The following PATJ variants were observed in gnomAD, a reference collection of about 807,000 sequenced individuals.
PATJ encodes the protein inaD-like protein.
In PATJ, 190 loss-of-function variants were observed where a neutral mutation model predicts 224.9. The ratio of observed to expected loss-of-function variants is 0.84; its 90% CI spans 0.75 to 0.95. The LOEUF is 0.95. Ranked by LOEUF, PATJ falls within the 40% of genes least tolerant of loss-of-function variation. The probability of loss-of-function intolerance (pLI) is 0.00; values close to 1 mark genes in which losing one functional copy is unlikely to be tolerated. For synonymous variants in PATJ, 769 were observed against 820.3 expected (o/e 0.94, Z 1.07); for missense variants, 2,121 against 2,270.3 (o/e 0.93, Z 1.34).
chr1:62,028,050 T>C (rs1396463917), intron 29 of PATJ, among the ~76,000 whole-genome samples: 1 of 152,204 alleles, frequency 6.6e-6, no homozygotes, highest in Non-Finnish European at 1.5e-5. Flanking sequence ...TTCAAGAAAT[T>C]ATTGTCAAAT....
At chr1:61,751,292 C>T (rs186562938) in intron 1 of PATJ, among the ~76,000 whole-genome samples, 9 of 152,240 alleles carry the variant, frequency 5.9e-5, no homozygotes, top group East Asian at 1.9e-4. Context: ...TGAGCCACCA[C>T]GCCTGATTCC....
At chr1:61,824,180 G>A (rs926023293) in intron 15 of PATJ, among the ~76,000 whole-genome samples, 3 of 151,924 alleles carry the variant, frequency 2.0e-5, no homozygotes, top group African/African-American at 7.3e-5. Context: ...ATTGAGAAAT[G>A]AGATATATTT....
chr1:61,850,973 C>T (rs895662299), intron 17 of PATJ, among the ~76,000 whole-genome samples: 15 of 152,260 alleles, frequency 9.9e-5, no homozygotes, highest in Non-Finnish European at 1.8e-4. Context: ...AGTGGGAAGA[C>T]GCAAACTAAA....
At chr1:62,095,825 A>G (rs962745868) in intron 33 of PATJ, among the ~76,000 whole-genome samples, 11 of 152,228 alleles carry the variant, frequency 7.2e-5, no homozygotes, top group African/African-American at 2.7e-4. Context: ...ATACAGAGGC[A>G]GGTTTTTCCA....
intron 29 of PATJ, among the ~76,000 whole-genome samples, chr1:62,029,807 T>C (rs1284953109): frequency 6.6e-6 from 1 of 152,204 alleles, no homozygotes; most frequent in Non-Finnish European, 1.5e-5. Context: ...AGCAAATTCA[T>C]GATTTACTGA....
rs1645218873 is a variant in PATJ at position 61,994,100 on chromosome 1, A to G, written c.3867+3736A>G. 2.6e-5 allele frequency among the ~76,000 whole-genome samples: 4 copies of G among 152,346 alleles called. No homozygotes were observed. The South Asian group carries it at 6.2e-4, about 24-fold the overall frequency. On this transcript the variant is annotated intron_variant, in intron 28 of 43. Transcript: ENST00000642238. Reference sequence around the variant, plus strand: ...ATGTTGGAATATAGATTCTGGCATCATGTATTTTTGGCTAATTATTTATCT... The same window carrying G: ...ATGTTGGAATATAGATTCTGGCATCGTGTATTTTTGGCTAATTATTTATCT...
chr1:61,789,140 C>A (rs1201999006), intron 8 of PATJ, among the ~76,000 whole-genome samples: 1 of 151,070 alleles, frequency 6.6e-6, no homozygotes, highest in Admixed American at 6.6e-5. Flanking sequence ...AAAACCCAAT[C>A]TCTACTAAAA....
rs1646253885 is a variant in PATJ, at chr1:61,766,081, A to G, written c.190-198A>G. The stretch of plus-strand genomic sequence containing the variant: ...AGGAAATAAGAACAAATTTTAAGCT[A>G]TTAAACATTTTGTGTAATACTAAAT... On this transcript the variant is annotated intron_variant, in intron 3 of 43. Coordinates refer to ENST00000642238, the MANE Select transcript of PATJ (RefSeq NM_001350145.3). Among the ~76,000 whole-genome samples, 3 of 152,216 alleles carry G rather than the reference A, an allele frequency of 2.0e-5. No individual in the cohort carries two copies. The South Asian group carries it at 6.2e-4, about 32-fold the overall frequency.
At chr1:61,842,858 G>A (rs563145009) in intron 17 of PATJ, among the ~76,000 whole-genome samples, 2 of 152,174 alleles carry the variant, frequency 1.3e-5, no homozygotes, top group Non-Finnish European at 2.9e-5. Context: ...CAATGGATGT[G>A]TTCTGGAGTT....
At chr1:61,837,573 G>C (rs1660373353) in intron 17 of PATJ, among the ~76,000 whole-genome samples, 1 of 152,082 alleles carries the variant, frequency 6.6e-6, no homozygotes, top group African/African-American at 2.4e-5. Context: ...CAGATTGCTT[G>C]AGGCCAGAAG....
chr1:62,080,303 T>C (rs939862786), intron 32 of PATJ, among the ~76,000 whole-genome samples: 2 of 152,080 alleles, frequency 1.3e-5, no homozygotes, highest in Non-Finnish European at 2.9e-5. Context: ...AATAGAACTT[T>C]ATAAAGAATA....
intron 21 of PATJ, 37 bp from the exon 22 acceptor site, chr1:61,884,200 C>T (rs368037359): frequency 5.9e-6 from 9 of 1,520,980 alleles, no homozygotes; most frequent in Admixed American, 4.1e-5. Flanking sequence ...AGAATGAGTG[C>T]CTCTTGTGTT....
intron 28 of PATJ, among the ~76,000 whole-genome samples, chr1:62,009,486 G>T (rs1646298725): frequency 1.3e-5 from 2 of 152,178 alleles, no homozygotes; most frequent in African/African-American, 2.4e-5. Context: ...TCATCTTTTT[G>T]CTGGTGGAGA....
At chr1:62,147,218 T>C (rs1175197107) in intron 41 of PATJ, among the ~76,000 whole-genome samples, 1 of 152,028 alleles carries the variant, frequency 6.6e-6, no homozygotes, top group Non-Finnish European at 1.5e-5. Context: ...GATGGGATAA[T>C]ATGTTTAATG....
At chr1:61,951,254 CTTGGCTTTTTA>C (rs1679625625) in intron 27 of PATJ, among the ~76,000 whole-genome samples, 2 of 151,266 alleles carry the variant, frequency 1.3e-5, no homozygotes, top group African/African-American at 4.9e-5. Flanking sequence ...AACTGATGAA[CTTGGCTTTTTA>C]TTGTTTTTTT....
chr1:61,978,339 C>T (rs1644263388), intron 27 of PATJ, among the ~76,000 whole-genome samples: 1 of 150,850 alleles, frequency 6.6e-6, no homozygotes, highest in Non-Finnish European at 1.5e-5. Flanking sequence ...GATCTTGGCT[C>T]ACTGCAACCT....
intron 9 of PATJ, among the ~76,000 whole-genome samples, chr1:61,792,225 T>A (rs2148514262): frequency 6.6e-6 from 1 of 152,374 alleles, no homozygotes; most frequent in South Asian, 2.1e-4. Flanking sequence ...GACCACCTTG[T>A]GTTATTTTAG....
At chr1:61,833,484 G>A (rs1659680619) in intron 16 of PATJ, 170 bp from the exon 17 acceptor site, 1 of 527,938 alleles carries the variant, frequency 1.9e-6, no homozygotes. Flanking sequence ...TCTTATCCTG[G>A]AGTGTGTGTG....
At chr1:61,831,183 G>T (rs1659250189) in intron 16 of PATJ, among the ~76,000 whole-genome samples, 1 of 130,646 alleles carries the variant, frequency 7.7e-6, no homozygotes, top group Non-Finnish European at 1.6e-5. Flanking sequence ...GCGAGACTCT[G>T]TCTCAAAAAA....
Sources: gnomAD v4.1 joint callset for allele counts (sites outside exome capture counted in the v4.1 genomes callset) on GRCh38, gnomAD v4.1.1 for gene constraint, MANE v1.5 for transcripts, NCBI Gene and HGNC (gene_info 2026-07-23, HGNC 2026-07-21) for gene names.